The following RHOU variants were observed in gnomAD, a reference collection of about 807,000 sequenced individuals.
RHOU encodes the protein rho-related GTP-binding protein RhoU.
Under a neutral mutation model 12.6 loss-of-function variants are expected in RHOU, and 8 were observed. The observed-to-expected ratio is 0.64, with a 90% CI of 0.37 to 1.15. RHOU has a LOEUF of 1.15. Ranked by LOEUF, RHOU falls within the 50% of genes most tolerant of loss-of-function variation. The pLI, the probability that RHOU is intolerant of heterozygous loss-of-function variation, is 0.01. For missense variants in RHOU, 258 were observed against 347.0 expected, an observed-to-expected ratio of 0.74 and a Z score of 2.04; for synonymous variants, 161 against 147.4, an observed-to-expected ratio of 1.09 and a Z score of -0.67.
the RHOU span, among the ~76,000 whole-genome samples, chr1:228,721,013 T>G: frequency 6.6e-6 from 1 of 152,160 alleles, no homozygotes; most frequent in Non-Finnish European, 1.5e-5. Context: ...GCTTAGAATT[T>G]ATCGCCTTGG....
the RHOU span, among the ~76,000 whole-genome samples, chr1:228,702,672 A>G: frequency 6.6e-6 from 1 of 152,206 alleles, no homozygotes; most frequent in Non-Finnish European, 1.5e-5. Flanking sequence ...AACCTGTCTG[A>G]CCAGTAGACT....
At chr1:228,659,968 A>AAC in the RHOU span, among the ~76,000 whole-genome samples, 102 of 105,370 alleles carry the variant, frequency 9.7e-4, no homozygotes, top group African/African-American at 4.6e-3. Flanking sequence ...AAAAAAAACA[A>AAC]AAAAAAAAAA....
At chr1:228,732,651 G>A (rs187763316), upstream of RHOU, among the ~76,000 whole-genome samples, 21 of 152,238 alleles carry the variant, frequency 1.4e-4, no homozygotes, top group Admixed American at 3.3e-4. Context: ...AGCTGACTAA[G>A]TTGTGTCCAG....
chr1:228,735,877 C>T lies in RHOU; in HGVS notation c.135C>T (p.Ala45=), dbSNP rs758431142. ...GGGGCCGGGGGCGTGCGGGGGGTGC[C>T]GAGGGGCGCGGCGTCAAGTGCGTGC... The part of the protein sequence containing the change: ...EPGGRGRAGG[A]EGRGVKCVLV... Residue 45 remains alanine, a synonymous_variant, in exon 1 of 3, where the codon GCC becomes GCT. Transcript: ENST00000366691. This position sits in a 1 kb window ranked among gnomAD's most constrained non-coding sequence, Gnocchi z 8.1. 1 of 1,513,324 alleles carries T rather than the reference C, an allele frequency of 6.6e-7. No homozygotes were observed. Among genetic ancestry groups the T allele is most frequent in the Non-Finnish European group, 8.8e-7 (1 of 1,137,542 alleles). 93.7% of individuals were successfully genotyped at this position (1,513,324 alleles called of 1,614,324 possible). A position where few individuals can be genotyped will look rare whatever the true frequency, so the allele number is the denominator to read the frequency against.
chr1:228,695,131 G>A, the RHOU span, among the ~76,000 whole-genome samples: 1 of 151,938 alleles, frequency 6.6e-6, no homozygotes, highest in Non-Finnish European at 1.5e-5. Flanking sequence ...TACCACACCC[G>A]ATTAATTTTT....
chr1:228,743,095 C>G lies in RHOU; in HGVS notation c.322-190C>G, dbSNP rs1433373894. Among the ~76,000 whole-genome samples, 1 of 152,204 alleles carries G rather than the reference C, an allele frequency of 6.6e-6. No homozygotes were observed. Among genetic ancestry groups the G allele is most frequent in the East Asian group, 1.9e-4 (1 of 5,190 alleles). Reference sequence around the variant, plus strand: ...GCTGGCCCTGAAAGCAGATGGCTGCCACACCTTCGCTGGTGCACTGGCCCC... The same window carrying G: ...GCTGGCCCTGAAAGCAGATGGCTGCGACACCTTCGCTGGTGCACTGGCCCC... On this transcript the variant is annotated intron_variant, in intron 2 of 2. Transcript: ENST00000366691. This position sits in a 1 kb window ranked among gnomAD's most constrained non-coding sequence, Gnocchi z 5.1.
intron 2 of RHOU, among the ~76,000 whole-genome samples, chr1:228,741,645 A>G (rs1182260959): frequency 2.0e-5 from 3 of 152,202 alleles, no homozygotes; most frequent in African/African-American, 7.2e-5. Flanking sequence ...CAAAGTTGGC[A>G]TGAAGAAACT....
Position 228,745,375 on chromosome 1 carries a change from T to G in RHOU, c.*1635T>G, listed in dbSNP as rs1662806774. On this transcript the variant is annotated 3_prime_UTR_variant, in exon 3 of 3. Transcript: ENST00000366691. ...AGGGAAATCTGTAAAGCCAGTTAGA[T>G]AGAAGAATTTTATTTTTCTGTGGGT... 1 of 152,226 alleles carries G rather than the reference T, an allele frequency of 6.6e-6. No homozygotes were observed. Among genetic ancestry groups the G allele is most frequent in the Non-Finnish European group, 1.5e-5 (1 of 68,044 alleles). 9.4% of individuals were successfully genotyped at this position (152,226 alleles called of 1,614,324 possible).
chr1:228,684,702 T>A, the RHOU span, among the ~76,000 whole-genome samples: 4 of 152,198 alleles, frequency 2.6e-5, no homozygotes, highest in East Asian at 7.7e-4. Flanking sequence ...GCCACCCCCA[T>A]AAGGCAGGAA....
the RHOU span, among the ~76,000 whole-genome samples, chr1:228,656,238 T>C: frequency 6.6e-6 from 1 of 152,168 alleles, no homozygotes; most frequent in Non-Finnish European, 1.5e-5. Flanking sequence ...ATTGCAGCCT[T>C]GACCTCCTGG....
At chr1:228,647,360 C>T in the RHOU span, among the ~76,000 whole-genome samples, 1 of 152,130 alleles carries the variant, frequency 6.6e-6, no homozygotes, top group Admixed American at 6.6e-5. Flanking sequence ...TTGGCGGGAG[C>T]CGTGGTACCG....
chr1:228,704,529 C>T, the RHOU span, among the ~76,000 whole-genome samples: 1 of 152,036 alleles, frequency 6.6e-6, no homozygotes, highest in African/African-American at 2.4e-5. Context: ...GTGATCTTGG[C>T]TCACTGCAAC....
chr1:228,650,972 G>T, the RHOU span: 2 of 343,238 alleles, frequency 5.8e-6, no homozygotes, highest in East Asian at 1.9e-4. Context: ...AGACTTCATT[G>T]ACTGTGTCAG....
the RHOU span, among the ~76,000 whole-genome samples, chr1:228,703,303 G>A: frequency 6.6e-6 from 1 of 152,108 alleles, no homozygotes; most frequent in Middle Eastern, 3.2e-3. Context: ...GAGGCGCGCG[G>A]ATCATGAGGT....
chr1:228,657,279 C>CAAAAAAAAAA, the RHOU span, among the ~76,000 whole-genome samples: 4 of 28,034 alleles, frequency 1.4e-4, no homozygotes, highest in Non-Finnish European at 1.9e-4. Flanking sequence ...AACTCCATCT[C>CAAAAAAAAAA]AAAAAAAAAA....
At chr1:228,721,177 C>T in the RHOU span, among the ~76,000 whole-genome samples, 1 of 152,132 alleles carries the variant, frequency 6.6e-6, no homozygotes, top group African/African-American at 2.4e-5. Flanking sequence ...TGGCAGGTGC[C>T]TGTAATCCCA....
the RHOU span, among the ~76,000 whole-genome samples, chr1:228,658,728 G>A: frequency 4.6e-5 from 7 of 152,128 alleles, no homozygotes; most frequent in Admixed American, 1.3e-4. Flanking sequence ...TTGGTTCCAG[G>A]ACCCCATAAG....
chr1:228,705,735 CCAGTTTGG>C, the RHOU span, among the ~76,000 whole-genome samples: 2 of 152,092 alleles, frequency 1.3e-5, no homozygotes, highest in African/African-American at 4.8e-5. Context: ...GCTTCCAAAC[CCAGTTTGG>C]ATCAAAAATT....
chr1:228,739,389 C>A (rs1049419688), intron 2 of RHOU, among the ~76,000 whole-genome samples: 8 of 151,954 alleles, frequency 5.3e-5, no homozygotes, highest in African/African-American at 1.9e-4. Flanking sequence ...GATGGTGAAA[C>A]CCCGTCTCTA....
Sources: allele counts gnomAD v4.1 joint callset (sites outside exome capture counted in the v4.1 genomes callset), GRCh38; gene constraint gnomAD v4.1.1; non-coding constraint Gnocchi (gnomAD v3.1); transcripts MANE v1.5; gene names NCBI Gene and HGNC (gene_info 2026-07-23, HGNC 2026-07-21).